Variants in CRPPA observed in about 807,000 individuals in gnomAD.
The protein encoded by CRPPA is CDP-L-ribitol pyrophosphorylase A, also known as D-ribitol-5-phosphate cytidylyltransferase.
Under a neutral mutation model 52.0 loss-of-function variants are expected in CRPPA, and 43 were observed. That is an observed-to-expected ratio of 0.83 (90% CI 0.65 to 1.07). The LOEUF is 1.07. Ranked by LOEUF, CRPPA falls within the 50% of genes least tolerant of loss-of-function variation. The pLI is 0.00. For missense variants in CRPPA, 629 were observed against 551.7 expected (o/e 1.14, Z -1.40); for synonymous variants, 250 against 203.5 (o/e 1.23, Z -1.94).
chr7:16,392,030 CA>C (rs1359942132), intron 2 of CRPPA, among the ~76,000 whole-genome samples: 1 of 152,130 alleles, frequency 6.6e-6, no homozygotes, highest in Admixed American at 6.5e-5. Flanking sequence ...AGTCTATGAA[CA>C]ACAATGCAAG....
intron 3 of CRPPA, among the ~76,000 whole-genome samples, chr7:16,360,883 C>A (rs964681770): frequency 6.6e-5 from 10 of 152,114 alleles, no homozygotes; most frequent in South Asian, 6.2e-4. Context: ...TAGACCATAT[C>A]TAAATTTAAG....
At chr7:16,194,816 G>C (rs564988612) in intron 9 of CRPPA, among the ~76,000 whole-genome samples, 1 of 149,592 alleles carries the variant, frequency 6.7e-6, no homozygotes, top group Non-Finnish European at 1.5e-5. Context: ...ATTATGCTCC[G>C]GTGAGTTTAA....
intron 5 of CRPPA, among the ~76,000 whole-genome samples, chr7:16,288,528 A>T (rs879772837): frequency 3.9e-5 from 6 of 152,124 alleles, no homozygotes; most frequent in African/African-American, 7.2e-5. Context: ...AAGAAAGATC[A>T]CAACTAAACA....
At chr7:16,385,762 A>G (rs1787247837) in intron 2 of CRPPA, among the ~76,000 whole-genome samples, 1 of 152,176 alleles carries the variant, frequency 6.6e-6, no homozygotes, top group African/African-American at 2.4e-5. Flanking sequence ...CAATTATGGA[A>G]CCTGAGAGTT....
intron 3 of CRPPA, among the ~76,000 whole-genome samples, chr7:16,336,222 G>T (rs866340604): frequency 6.6e-6 from 1 of 152,130 alleles, no homozygotes; most frequent in Non-Finnish European, 1.5e-5. Context: ...CTCTAATATT[G>T]TAAGGGTAAT....
Position 16,087,816 on chromosome 7 carries a change from C to T in CRPPA, c.*3879G>A, listed in dbSNP as rs1175722633. ...TAAATAACTTCTATCTTTCTTCTTG[C>T]ATATGGTTGACATTTTAATTAAGAT... On this transcript the variant is annotated 3_prime_UTR_variant, in exon 10 of 10. Transcript: ENST00000407010. 6.6e-6 allele frequency: 1 copy of T among 152,112 alleles called. No homozygotes were observed. The highest frequency in any genetic ancestry group is 1.5e-5 in the Non-Finnish European group (1 of 67,998). 9.4% of individuals were successfully genotyped at this position (152,112 alleles called of 1,614,324 possible).
In CRPPA at chr7:16,245,211, G is replaced by A. The variant is rs1380738459; in HGVS notation, c.1119+13179C>T. 2.6e-5 allele frequency among the ~76,000 whole-genome samples: 4 copies of A among 152,190 alleles called. No individual in the cohort carries two copies. In the South Asian group the frequency reaches 6.2e-4, roughly 24 times the overall value. On this transcript the variant is annotated intron_variant, in intron 8 of 9. Transcript: ENST00000407010. ...CATGTCTGCATATGAATTTGCACATGCAAACACTCTATGTATGTATGTGTA... is the reference window on the plus strand; with the variant it reads ...CATGTCTGCATATGAATTTGCACATACAAACACTCTATGTATGTATGTGTA...
intron 9 of CRPPA, among the ~76,000 whole-genome samples, chr7:16,196,157 C>A (rs1007732369): frequency 1.3e-5 from 2 of 152,100 alleles, no homozygotes; most frequent in Admixed American, 1.3e-4. Flanking sequence ...CTTTAAGAAG[C>A]TCTTCTGCTA....
chr7:16,261,595 A>AT (rs11448646), intron 6 of CRPPA, among the ~76,000 whole-genome samples: 59,175 of 149,098 alleles, frequency 0.4, 11,990 homozygotes, highest in Middle Eastern at 0.48. Flanking sequence ...TTTTGGAGCA[A>AT]TTTTTTTTTT....
intron 9 of CRPPA, among the ~76,000 whole-genome samples, chr7:16,092,118 A>G (rs1781849650): frequency 6.6e-6 from 1 of 152,198 alleles, no homozygotes; most frequent in Admixed American, 6.5e-5. Flanking sequence ...AAGTGTGAAT[A>G]TTTCATCAAT....
At chr7:16,400,514 G>A (rs778112764) in intron 2 of CRPPA, among the ~76,000 whole-genome samples, 34 of 152,266 alleles carry the variant, frequency 2.2e-4, no homozygotes, top group African/African-American at 7.2e-4. Context: ...CGAACGACAC[G>A]ACTGGCACAT....
chr7:16,421,381 C>G lies in CRPPA; in HGVS notation c.-59G>C, dbSNP rs1788336124. The G allele has an allele frequency of 8.2e-7, 1 of 1,215,168 alleles. No homozygotes were observed. The highest frequency in any genetic ancestry group is 1.0e-6 in the Non-Finnish European group (1 of 977,074). 75.3% of individuals were successfully genotyped at this position (1,215,168 alleles called of 1,614,324 possible). A position where few individuals can be genotyped will look rare whatever the true frequency, so the allele number is the denominator to read the frequency against. On this transcript the variant is annotated 5_prime_UTR_variant, in exon 1 of 10. Transcript: ENST00000407010. ...CGGGCCGATGCGACCCCGCGCTGCT[C>G]CCACCCTCGGCCGGGGTCGCGGGGC...
rs564279223 is a variant in CRPPA at position 16,219,615 on chromosome 7, C to A, written c.1120-3418G>T. Among the ~76,000 whole-genome samples, 23 of 116,534 alleles carry A rather than the reference C, an allele frequency of 2.0e-4. 2 individuals carry two copies. In the East Asian group the frequency reaches 5.4e-3, roughly 27 times the overall value. The allele number at this position is 116,534 out of a possible 152,430, so 76.5% of individuals were successfully genotyped here. ...ATAAAAAATGATAAAGGGGATATCA[C>A]CACCCATCCCACAGAAATACAAACT... On this transcript the variant is annotated intron_variant, in intron 8 of 9. Transcript: ENST00000407010.
intron 9 of CRPPA, among the ~76,000 whole-genome samples, chr7:16,188,042 ATTTTTTTT>A (rs34518390): frequency 1.7e-5 from 2 of 115,504 alleles, no homozygotes; most frequent in South Asian, 5.9e-4. Flanking sequence ...ATTTGGGTGA[ATTTTTTTT>A]TTTTTTTTTT....
rs567129680 is a variant in CRPPA at position 16,373,995 on chromosome 7, C to T, written c.684+2097G>A. On this transcript the variant is annotated intron_variant, in intron 3 of 9. Transcript: ENST00000407010. ...CTAACTGACTAACTTCATATGACAC[C>T]TTGGTTACAATTGCCAGATATCTGC... Among the ~76,000 whole-genome samples the T allele has an allele frequency of 1.8e-4, 27 of 152,204 alleles. No homozygotes were observed. In the South Asian group the frequency reaches 5.6e-3, roughly 32 times the overall value.
At chr7:16,399,523 TTGAC>T (rs1195357204) in intron 2 of CRPPA, among the ~76,000 whole-genome samples, 29 of 151,820 alleles carry the variant, frequency 1.9e-4, no homozygotes, top group African/African-American at 6.8e-4. Context: ...CAGAGCATGA[TTGAC>T]ACGTGACTGA....
At chr7:16,231,059 T>C (rs776896766) in intron 8 of CRPPA, among the ~76,000 whole-genome samples, 27 of 152,132 alleles carry the variant, frequency 1.8e-4, no homozygotes, top group African/African-American at 6.0e-4. Flanking sequence ...GCTGTGGGGA[T>C]CACCCTGGTG....
At chr7:16,354,556 A>G (rs1303246294) in intron 3 of CRPPA, among the ~76,000 whole-genome samples, 1 of 152,196 alleles carries the variant, frequency 6.6e-6, no homozygotes, top group Non-Finnish European at 1.5e-5. Flanking sequence ...ACACTAAAAA[A>G]ATTTTAACTT....
chr7:16,375,915 T>A (rs970419909), intron 3 of CRPPA, among the ~76,000 whole-genome samples, 177 bp downstream of exon 3: 3 of 152,210 alleles, frequency 2.0e-5, no homozygotes, highest in Non-Finnish European at 4.4e-5. Context: ...CTCAACATTC[T>A]GCCTGCATCT....
Sources: gnomAD v4.1 joint callset for allele counts (sites outside exome capture counted in the v4.1 genomes callset) on GRCh38, gnomAD v4.1.1 for gene constraint, MANE v1.5 for transcripts, NCBI Gene and HGNC (gene_info 2026-07-23, HGNC 2026-07-21) for gene names.